The following ELF4 variants were observed in gnomAD, a reference collection of about 807,000 sequenced individuals.
ELF4 encodes E74 like ETS transcription factor 4.
ELF4 carries 10 observed loss-of-function variants against 31.7 expected under a neutral mutation model. That is an observed-to-expected ratio of 0.32 (90% CI 0.19 to 0.54). The LOEUF (loss-of-function observed/expected upper bound fraction) is 0.54, where lower values mean the gene tolerates loss of function less well. Among genes scored for constraint, ELF4 ranks in the 20% least tolerant of loss-of-function variants. The pLI is 0.95. For synonymous variants in ELF4, 208 were observed against 226.7 expected, an observed-to-expected ratio of 0.92 and a Z score of 0.74; for missense variants, 418 against 522.0, an observed-to-expected ratio of 0.80 and a Z score of 1.94.
At chrX:130,072,458 G>A (rs1437999186) in intron 4 of ELF4, 41 bp from the exon 5 acceptor site, 5 of 1,192,770 alleles carry the variant, frequency 4.2e-6, no homozygotes, top group Non-Finnish European at 4.6e-6. Flanking sequence ...GCCCAGGCAG[G>A]GCTGGAGCGG....
chrX:130,077,134 C>A (rs144914700), intron 2 of ELF4, among the ~76,000 whole-genome samples: 3 of 110,867 alleles, frequency 2.7e-5, no homozygotes, highest in Non-Finnish European at 3.8e-5. Context: ...CCACTAGTCA[C>A]GGGTGACTAT....
At chrX:130,076,201 A>G in intron 2 of ELF4, among the ~76,000 whole-genome samples, 1 of 111,681 alleles carries the variant, frequency 9.0e-6, no homozygotes, top group East Asian at 2.8e-4. Context: ...ATTAAAAAGC[A>G]GTATGACTGC....
At chrX:130,083,118 C>T (rs1436466122) in intron 1 of ELF4, among the ~76,000 whole-genome samples, 1 of 101,632 alleles carries the variant, frequency 9.8e-6, no homozygotes, top group African/African-American at 3.6e-5. Context: ...ACCCCCACAC[C>T]TTTCCACCCA....
rs1464476842 is a variant in ELF4, at chrX:130,074,123, G to A, written c.266C>T (p.Ser89Leu). The change falls in exon 4 of 9, where the codon TCG becomes TTG. Residue 89 changes from serine (S) to leucine (L), a missense_variant. Coordinates refer to ENST00000308167, the MANE Select transcript of ELF4 (RefSeq NM_001421.4). ...FLLTDDNEAT[S>L]HTMSTAEVLL... ...GACTTCCGCGGTTGACATGGTGTGC[G>A]AGGTGGCCTCATTGTCATCTGGTCC... 2 of 1,209,883 alleles carry A rather than the reference G, an allele frequency of 1.7e-6. No homozygotes were observed. The highest frequency in any genetic ancestry group is 3.5e-5 in the African/African-American group (2 of 57,087).
At chrX:130,085,735 A>G (rs753189297) in intron 1 of ELF4, among the ~76,000 whole-genome samples, 1 of 111,674 alleles carries the variant, frequency 9.0e-6, no homozygotes, top group Admixed American at 9.5e-5. Flanking sequence ...CACTCCTGAA[A>G]TACCTCATCC....
intron 2 of ELF4, among the ~76,000 whole-genome samples, chrX:130,080,091 G>A (rs1932873061): frequency 1.8e-5 from 2 of 111,660 alleles, no homozygotes; most frequent in African/African-American, 6.5e-5. Flanking sequence ...TAATCCAGTT[G>A]GATCGCCTCT....
At chrX:130,082,491 A>G (rs1932900157) in intron 1 of ELF4, among the ~76,000 whole-genome samples, 1 of 112,031 alleles carries the variant, frequency 8.9e-6, no homozygotes, top group African/African-American at 3.2e-5. Context: ...AACCTTCCCC[A>G]TCCTCTGGGG....
intron 1 of ELF4, among the ~76,000 whole-genome samples, chrX:130,109,155 C>T (rs1342709758): frequency 8.9e-6 from 1 of 112,507 alleles, no homozygotes; most frequent in African/African-American, 3.2e-5. Flanking sequence ...CCACCTCCAA[C>T]CTGGCACTCG....
chrX:130,091,100 G>A (rs1223103244), intron 1 of ELF4, among the ~76,000 whole-genome samples: 1 of 112,311 alleles, frequency 8.9e-6, no homozygotes, highest in Admixed American at 9.5e-5. Context: ...AGGCTTCAGT[G>A]TGAATAAATT....
intron 2 of ELF4, among the ~76,000 whole-genome samples, chrX:130,077,077 G>A (rs1434000726): frequency 9.0e-6 from 1 of 110,988 alleles, no homozygotes; most frequent in African/African-American, 3.3e-5. Context: ...TAAGCAGTTG[G>A]GTATAGTGAT....
intron 1 of ELF4, among the ~76,000 whole-genome samples, chrX:130,085,785 C>T (rs1385932232): frequency 1.8e-5 from 2 of 111,476 alleles, no homozygotes; most frequent in South Asian, 3.8e-4. Context: ...AAGGAAGTGA[C>T]AATTTCCTTC....
intron 1 of ELF4, among the ~76,000 whole-genome samples, chrX:130,082,836 T>C (rs1245976019): frequency 8.9e-6 from 1 of 111,748 alleles, no homozygotes; most frequent in African/African-American, 3.3e-5. Context: ...TGGATGTGCG[T>C]GTGGGTGTGT....
rs1190331667 is a variant in ELF4 at position 130,069,437 on chromosome X, C to T, written c.1050G>A (p.Lys350=). 1.7e-6 allele frequency: 2 copies of T among 1,210,783 alleles called. No individual in the cohort carries two copies. Among genetic ancestry groups the T allele is most frequent in the African/African-American group, 3.5e-5 (2 of 57,419 alleles). ...GGAGACCGACATGCTGAATTTTTGG[C>T]TTCTCCCAAGAAGAGCTGCCCTTGC... is the stretch of plus-strand genomic sequence containing the variant. ...PQGKGSSSWE[K]PKIQHVGLQP... The change falls in exon 8 of 9, where the codon AAG becomes AAA. Residue 350 remains lysine, a synonymous_variant. Coordinates refer to ENST00000308167, the MANE Select transcript of ELF4 (RefSeq NM_001421.4).
intron 1 of ELF4, among the ~76,000 whole-genome samples, chrX:130,108,684 C>A (rs1225231371): frequency 1.8e-5 from 2 of 110,600 alleles, no homozygotes; most frequent in Admixed American, 1.9e-4. Context: ...GGCGCCAGTT[C>A]CTGAGCAACC....
At chrX:130,095,112 G>A (rs146704582) in intron 1 of ELF4, among the ~76,000 whole-genome samples, 1,453 of 111,503 alleles carry the variant, frequency 0.013, 17 homozygotes, top group Middle Eastern at 0.046. Context: ...CCCCTGCTTC[G>A]GGAAAAGGAG....
At chrX:130,087,003 T>A (rs1469673537) in intron 1 of ELF4, among the ~76,000 whole-genome samples, 2 of 112,098 alleles carry the variant, frequency 1.8e-5, no homozygotes, top group East Asian at 5.6e-4. Flanking sequence ...TGTGGTTATG[T>A]GGCAAGAAAG....
intron 1 of ELF4, among the ~76,000 whole-genome samples, chrX:130,087,727 C>T (rs1029017518): frequency 3.6e-5 from 4 of 112,000 alleles, no homozygotes; most frequent in Non-Finnish European, 5.6e-5. Flanking sequence ...CTCAGCCTCC[C>T]GAAGTGCTGG....
chrX:130,083,295 C>T (rs1234926042), intron 1 of ELF4, among the ~76,000 whole-genome samples: 1 of 90,790 alleles, frequency 1.1e-5, no homozygotes, highest in African/African-American at 4.1e-5. Context: ...ACCCTGCCTG[C>T]GACCCATTCT....
At chrX:130,094,445 T>C (rs2124629721) in intron 1 of ELF4, among the ~76,000 whole-genome samples, 2 of 107,138 alleles carry the variant, frequency 1.9e-5, no homozygotes, top group East Asian at 5.9e-4. Flanking sequence ...CGGGCGCCTA[T>C]AATCCCAGCT....
Sources: gnomAD v4.1 joint callset for allele counts (sites outside exome capture counted in the v4.1 genomes callset) on GRCh38, gnomAD v4.1.1 for gene constraint, MANE v1.5 for transcripts, NCBI Gene and HGNC (gene_info 2026-07-23, HGNC 2026-07-21) for gene names.